Variants in ACOX1 observed in about 807,000 individuals in gnomAD.
The protein encoded by ACOX1 is peroxisomal acyl-coenzyme A oxidase 1.
In ACOX1, 41 loss-of-function variants were observed where a neutral mutation model predicts 75.5. The observed-to-expected ratio is 0.54, with a 90% CI of 0.42 to 0.70. The LOEUF (loss-of-function observed/expected upper bound fraction) is 0.70. ACOX1 is among the 30% of genes least tolerant of loss of function. The pLI is 0.00. For synonymous variants in ACOX1, 303 were observed against 298.8 expected, an observed-to-expected ratio of 1.01 and a Z score of -0.15; for missense variants, 630 against 837.5, an observed-to-expected ratio of 0.75 and a Z score of 3.06.
intron 2 of ACOX1, chr17:75,973,848 CTTG>C: frequency 6.4e-7 from 1 of 1,570,476 alleles, no homozygotes; most frequent in South Asian, 1.1e-5. Context: ...ACAACCCCTT[CTTG>C]CCAAACAGCT....
chr17:75,972,327 CAAAAA>C (rs58820718), intron 2 of ACOX1, among the ~76,000 whole-genome samples: 8 of 110,966 alleles, frequency 7.2e-5, no homozygotes, highest in Non-Finnish European at 1.3e-4. Flanking sequence ...ACTCTGTCTC[CAAAAA>C]AAAAAAAAAA....
chr17:75,972,327 C>CAAAAA (rs58820718), intron 2 of ACOX1, among the ~76,000 whole-genome samples: 7 of 110,964 alleles, frequency 6.3e-5, no homozygotes, highest in South Asian at 3.0e-4. Context: ...ACTCTGTCTC[C>CAAAAA]AAAAAAAAAA....
intron 6 of ACOX1, 64 bp downstream of exon 6, chr17:75,955,502 T>A (rs2065815796): frequency 7.7e-7 from 1 of 1,306,618 alleles, no homozygotes; most frequent in African/African-American, 1.5e-5. Context: ...CTAACCCTAT[T>A]GTGAGTAACA....
At chr17:75,958,744 CTTG>C (rs2065861613) in intron 3 of ACOX1, among the ~76,000 whole-genome samples, 1 of 148,226 alleles carries the variant, frequency 6.7e-6, no homozygotes, top group East Asian at 2.0e-4. Flanking sequence ...GAAGGTGGAG[CTTG>C]CAGTGAGCTG....
chr17:75,975,967 AAAAG>A (rs1385897949), intron 2 of ACOX1, among the ~76,000 whole-genome samples: 1 of 152,146 alleles, frequency 6.6e-6, no homozygotes, highest in Non-Finnish European at 1.5e-5. Context: ...GAAAGAAAAG[AAAAG>A]AAAGAAAGGT....
Position 75,953,413 on chromosome 17 carries a change from G to A in ACOX1, c.944+38C>T, listed in dbSNP as rs750609479. ...GGGATCTGAATGGGGTAAAAACTAGGCCTTTGGTACTGAGCCCATCTAGGA... is the reference window on the plus strand; with the variant it reads ...GGGATCTGAATGGGGTAAAAACTAGACCTTTGGTACTGAGCCCATCTAGGA... On this transcript the variant is annotated intron_variant, in intron 7 of 13. Transcript: ENST00000293217. 2.5e-6 allele frequency: 4 copies of A among 1,608,988 alleles called. No homozygotes were observed. The South Asian group carries it at 4.4e-5, about 18-fold the overall frequency.
rs556996602 is a variant in ACOX1 at position 75,978,486 on chromosome 17, G to T, written c.269+48C>A. The T allele has an allele frequency of 1.2e-6, 2 of 1,611,794 alleles. No individual in the cohort carries two copies. Among genetic ancestry groups the T allele is most frequent in the South Asian group, 2.2e-5 (2 of 90,980 alleles). On this transcript the variant is annotated intron_variant, in intron 2 of 13. Transcript: ENST00000293217. This position sits in a 1 kb window ranked among gnomAD's most constrained non-coding sequence, Gnocchi z 4.2. ...TGAAAGGCCACCATAGACCGCAGCT[G>T]TAAAGTTTAGGCTTAACAACACTTG...
intron 2 of ACOX1, among the ~76,000 whole-genome samples, chr17:75,969,057 A>G (rs2065969174): frequency 6.6e-6 from 1 of 152,220 alleles, no homozygotes; most frequent in Non-Finnish European, 1.5e-5. Context: ...AAAAGCCTCA[A>G]ACTATGCAGC....
rs2065692385 is a variant in ACOX1, at chr17:75,943,454, C to T, written c.*3294G>A. ...AGAGGAGGCCAAAGCAGGAGGATCA[C>T]TTGAGCCCAGGAGTTGGTGGCCAAA... is the stretch of plus-strand genomic sequence containing the variant. On this transcript the variant is annotated 3_prime_UTR_variant, in exon 14 of 14. Transcript: ENST00000293217. The T allele has an allele frequency of 6.6e-6, 1 of 152,216 alleles. No individual in the cohort carries two copies. The highest frequency in any genetic ancestry group is 1.5e-5 in the Non-Finnish European group (1 of 68,118). The allele number at this position is 152,216 out of a possible 1,614,324, so 9.4% of individuals were successfully genotyped here.
chr17:75,963,531 T>C (rs1358671408), intron 2 of ACOX1, among the ~76,000 whole-genome samples: 1 of 151,308 alleles, frequency 6.6e-6, no homozygotes, highest in Non-Finnish European at 1.5e-5. Context: ...GAAACCCCTC[T>C]CTACTAAAAA....
chr17:75,953,507 C>T lies in ACOX1; in HGVS notation c.888G>A (p.Ala296=), dbSNP rs989041887. 18 of 1,614,134 alleles carry T rather than the reference C, an allele frequency of 1.1e-5. No individual in the cohort carries two copies. In the Middle Eastern group the frequency reaches 4.9e-4, roughly 44 times the overall value. The change falls in exon 7 of 14, where the codon GCG becomes GCA. Residue 296 remains alanine, a synonymous_variant. Transcript: ENST00000293217. ...CGCTGTATCGGATGGCAATGGTGCA[C>T]GCCTTAGACAGAGCCCGAGCAGCTT... is the stretch of plus-strand genomic sequence containing the variant. The part of the protein sequence containing the change: ...VGEAARALSK[A]CTIAIRYSAV...
chr17:75,944,742 T>C lies in ACOX1; in HGVS notation c.*2006A>G, dbSNP rs2065704446. ...AATAAAAATAGCATCAAATGTCAGA[T>C]TTAGATTTTTTTTTTGAGACGGAGT... On this transcript the variant is annotated 3_prime_UTR_variant, in exon 14 of 14. Coordinates refer to ENST00000293217, the MANE Select transcript of ACOX1 (RefSeq NM_004035.7). 6.6e-6 allele frequency: 1 copy of C among 152,196 alleles called. No homozygotes were observed. The highest frequency in any genetic ancestry group is 2.1e-4 in the South Asian group (1 of 4,820). The allele number at this position is 152,196 out of a possible 1,614,324, so 9.4% of individuals were successfully genotyped here.
chr17:75,968,255 T>C (rs1306355470), intron 2 of ACOX1, among the ~76,000 whole-genome samples: 1 of 144,682 alleles, frequency 6.9e-6, no homozygotes, highest in Non-Finnish European at 1.5e-5. Flanking sequence ...GCTAAAACGG[T>C]GAAACCCCGT....
intron 8 of ACOX1, 55 bp from the exon 9 acceptor site, chr17:75,951,019 A>G: frequency 6.4e-7 from 1 of 1,567,652 alleles, no homozygotes; most frequent in East Asian, 2.3e-5. Flanking sequence ...GAGCCCGAGA[A>G]CCAATGAGAA....
Position 75,978,863 on chromosome 17 carries a change from G to C in ACOX1, c.109+102C>G. The C allele has an allele frequency of 6.3e-7, 1 of 1,598,376 alleles. No individual in the cohort carries two copies. On this transcript the variant is annotated intron_variant, in intron 1 of 13. Coordinates refer to ENST00000293217, the MANE Select transcript of ACOX1 (RefSeq NM_004035.7). The surrounding 1 kb of genome is among the most constrained non-coding windows in gnomAD (Gnocchi z 4.2). ...AAGTGGGGGTCCCGGCTCCCCTAAC[G>C]CTGGGCCAGAGGGCCTAGGCCCCAC... is the stretch of plus-strand genomic sequence containing the variant.
At chr17:75,964,178 CAAAA>C (rs60919786) in intron 2 of ACOX1, among the ~76,000 whole-genome samples, 4 of 84,496 alleles carry the variant, frequency 4.7e-5, no homozygotes, top group Admixed American at 1.3e-4. Flanking sequence ...GACTCCATCT[CAAAA>C]AAAAAAAAAA....
At chr17:75,949,120 A>G in intron 12 of ACOX1, 97 bp downstream of exon 12, 1 of 1,472,376 alleles carries the variant, frequency 6.8e-7, no homozygotes. Context: ...TTGGGCTCCC[A>G]AAGTGCTGGG....
At chr17:75,968,165 A>T (rs894209919) in intron 2 of ACOX1, among the ~76,000 whole-genome samples, 1 of 151,144 alleles carries the variant, frequency 6.6e-6, no homozygotes, top group Non-Finnish European at 1.5e-5. Flanking sequence ...GGCCAAGTGC[A>T]GTGGCTCACG....
rs2065714872 is a variant in ACOX1 at position 75,945,797 on chromosome 17, A to C, written c.*951T>G. ...GTTTTTTCCCAGTTGTTAAAAAAAAAACAACTCACAGTTTCAATATTTTCT... is the reference window on the plus strand; with the variant it reads ...GTTTTTTCCCAGTTGTTAAAAAAAACACAACTCACAGTTTCAATATTTTCT... On this transcript the variant is annotated 3_prime_UTR_variant, in exon 14 of 14. Transcript: ENST00000293217. 1 of 152,978 alleles carries C rather than the reference A, an allele frequency of 6.5e-6. No homozygotes were observed. The highest frequency in any genetic ancestry group is 1.5e-5 in the Non-Finnish European group (1 of 67,830). 9.5% of individuals were successfully genotyped at this position (152,978 alleles called of 1,614,324 possible). A position where few individuals can be genotyped will look rare whatever the true frequency, so the allele number is the denominator to read the frequency against.
Sources: allele counts gnomAD v4.1 joint callset (sites outside exome capture counted in the v4.1 genomes callset), GRCh38; gene constraint gnomAD v4.1.1; non-coding constraint Gnocchi (gnomAD v3.1); transcripts MANE v1.5; gene names NCBI Gene and HGNC (gene_info 2026-07-23, HGNC 2026-07-21).